The following TLL2 variants were observed in gnomAD, a reference collection of about 807,000 sequenced individuals.
The protein encoded by TLL2 is tolloid-like protein 2.
TLL2 carries 106 observed loss-of-function variants against 123.0 expected under a neutral mutation model. The ratio of observed to expected loss-of-function variants is 0.86; its 90% CI spans 0.74 to 1.01. The LOEUF is 1.01. Ranked by LOEUF, TLL2 falls within the 50% of genes least tolerant of loss-of-function variation. TLL2 has a pLI of 0.00. For synonymous variants in TLL2, 494 were observed against 516.8 expected (o/e 0.96, Z 0.60); for missense variants, 1,332 against 1,336.7 (o/e 1.00, Z 0.06).
At chr10:96,491,763 T>G (rs72812932) in intron 1 of TLL2, among the ~76,000 whole-genome samples, 1 of 152,076 alleles carries the variant, frequency 6.6e-6, no homozygotes, top group Non-Finnish European at 1.5e-5. Context: ...CCTTGGTTTG[T>G]GGTGTTTGCT....
chr10:96,477,032 CT>C (rs10615764), intron 2 of TLL2, among the ~76,000 whole-genome samples: 38,001 of 110,182 alleles, frequency 0.34, 6,336 homozygotes, highest in Middle Eastern at 0.45. Flanking sequence ...AGCTACTGGA[CT>C]TTTTTTTTTT....
chr10:96,475,793 G>A (rs952125176), intron 2 of TLL2, among the ~76,000 whole-genome samples: 3 of 152,072 alleles, frequency 2.0e-5, no homozygotes, highest in East Asian at 1.9e-4. Context: ...TACAGCTCCC[G>A]TAATTCCAAG....
At chr10:96,487,138 G>GTC (rs1052710276) in intron 1 of TLL2, among the ~76,000 whole-genome samples, 1 of 152,208 alleles carries the variant, frequency 6.6e-6, no homozygotes, top group African/African-American at 2.4e-5. Flanking sequence ...AACTCACTTG[G>GTC]TCTCTCTGAG....
chr10:96,455,294 A>C (rs1453543436), intron 2 of TLL2, among the ~76,000 whole-genome samples: 1 of 152,200 alleles, frequency 6.6e-6, no homozygotes. Context: ...GACTCAAGTG[A>C]CTAGGTTATA....
At chr10:96,512,877 G>C (rs771695017) in intron 1 of TLL2, among the ~76,000 whole-genome samples, 101 of 152,192 alleles carry the variant, frequency 6.6e-4, no homozygotes, top group Non-Finnish European at 1.2e-3. Flanking sequence ...CTGGGGCGCC[G>C]CTTCCTGGAG....
At chr10:96,470,256 C>T (rs748928368) in intron 2 of TLL2, among the ~76,000 whole-genome samples, 4 of 152,180 alleles carry the variant, frequency 2.6e-5, no homozygotes, top group Non-Finnish European at 5.9e-5. Context: ...CATCCCCAGC[C>T]GGGGGTCAGA....
chr10:96,375,156 C>G (rs1252339728), intron 18 of TLL2, among the ~76,000 whole-genome samples: 1 of 152,108 alleles, frequency 6.6e-6, no homozygotes, highest in Non-Finnish European at 1.5e-5. Context: ...GGTAGAGACA[C>G]GGGACAGGGG....
At chr10:96,479,113 T>C (rs1847286472) in intron 2 of TLL2, among the ~76,000 whole-genome samples, 1 of 152,214 alleles carries the variant, frequency 6.6e-6, no homozygotes, top group Admixed American at 6.5e-5. Context: ...TCTGAATATA[T>C]TGGTATTAAA....
chr10:96,428,809 T>C (rs1176752035), intron 4 of TLL2, 61 bp from the exon 5 acceptor site: 1 of 1,152,562 alleles, frequency 8.7e-7, no homozygotes. Context: ...TTAGATGCTT[T>C]TTTTTTTCTT....
intron 2 of TLL2, among the ~76,000 whole-genome samples, chr10:96,476,757 C>T (rs1051993277): frequency 2.6e-5 from 4 of 151,652 alleles, no homozygotes; most frequent in Non-Finnish European, 4.4e-5. Flanking sequence ...TAAGAGAGAC[C>T]ACAACGTGCT....
At chr10:96,395,505 T>A in intron 12 of TLL2, 123 bp from the exon 13 acceptor site, 1 of 957,584 alleles carries the variant, frequency 1.0e-6, no homozygotes, top group Non-Finnish European at 1.5e-6. Context: ...CCCAAGTGTG[T>A]CCCAGGTCTC....
intron 16 of TLL2, 96 bp from the exon 17 acceptor site, chr10:96,379,188 G>A (rs1846164835): frequency 6.7e-7 from 1 of 1,490,980 alleles, no homozygotes; most frequent in Non-Finnish European, 9.1e-7. Context: ...CCTCTGGGAA[G>A]CCTCTCTGAT....
intron 10 of TLL2, among the ~76,000 whole-genome samples, chr10:96,404,734 A>T (rs532501337): frequency 3.0e-4 from 46 of 152,122 alleles, no homozygotes; most frequent in Admixed American, 5.9e-4. Flanking sequence ...TATATATATA[A>T]AATGCATAAA....
intron 3 of TLL2, among the ~76,000 whole-genome samples, chr10:96,438,999 A>G (rs560117151): frequency 1.1e-4 from 16 of 151,706 alleles, no homozygotes; most frequent in Non-Finnish European, 2.1e-4. Flanking sequence ...TACCTGGAAT[A>G]AATCCCACTG....
chr10:96,454,954 A>G (rs17111881), intron 2 of TLL2, among the ~76,000 whole-genome samples: 17,410 of 152,238 alleles, frequency 0.11, 1,076 homozygotes, highest in South Asian at 0.21. Context: ...CTGAGAACCC[A>G]TGGACAGTCA....
intron 1 of TLL2, among the ~76,000 whole-genome samples, chr10:96,512,007 G>A (rs908996760): frequency 2.6e-5 from 4 of 152,184 alleles, no homozygotes; most frequent in African/African-American, 9.7e-5. Context: ...CCTGGGCCAG[G>A]CATGCTACCT....
intron 3 of TLL2, among the ~76,000 whole-genome samples, chr10:96,434,154 A>T (rs538129235): frequency 6.6e-6 from 1 of 152,006 alleles, no homozygotes; most frequent in East Asian, 1.9e-4. Flanking sequence ...TTATCCTGAC[A>T]TTTCCTTCCT....
intron 2 of TLL2, among the ~76,000 whole-genome samples, chr10:96,476,240 A>ATATATATATATATATATATATTCT: frequency 8.8e-4 from 18 of 20,468 alleles, no homozygotes; most frequent in Admixed American, 1.6e-3. Flanking sequence ...ATATATATAT[A>ATATATATATATATATATATATTCT]TTTTATTTTT....
chr10:96,439,078 C>T (rs904331462), intron 3 of TLL2, among the ~76,000 whole-genome samples: 1 of 34,188 alleles, frequency 2.9e-5, no homozygotes, highest in Non-Finnish European at 6.1e-5. Flanking sequence ...AGGATTTCTG[C>T]ATGTAAGTTT....
Sources: allele counts gnomAD v4.1 joint callset (sites outside exome capture counted in the v4.1 genomes callset), GRCh38; gene constraint gnomAD v4.1.1; transcripts MANE v1.5; gene names NCBI Gene and HGNC (gene_info 2026-07-23, HGNC 2026-07-21).